Variants in HIVEP1 observed in about 807,000 individuals in gnomAD.
HIVEP1 encodes the protein zinc finger protein 40.
HIVEP1 carries 36 observed loss-of-function variants against 180.0 expected under a neutral mutation model. That is an observed-to-expected ratio of 0.20 (90% CI 0.15 to 0.26). HIVEP1 has a LOEUF of 0.26. Among genes scored for constraint, HIVEP1 ranks in the 10% least tolerant of loss-of-function variants. The pLI, the probability that HIVEP1 is intolerant of heterozygous loss-of-function variation, is 1.00. For synonymous variants in HIVEP1, 1,239 were observed against 1,239.0 expected, an observed-to-expected ratio of 1.00 and a Z score of 0.00; for missense variants, 3,143 against 3,268.7, an observed-to-expected ratio of 0.96 and a Z score of 0.94.
At chr6:12,101,186 G>T (rs1774090779) in intron 3 of HIVEP1, among the ~76,000 whole-genome samples, 1 of 152,166 alleles carries the variant, frequency 6.6e-6, no homozygotes, top group Admixed American at 6.5e-5. Flanking sequence ...GAGGACCTGT[G>T]TTGAGTTACA....
At chr6:12,145,000 T>C (rs929420770) in intron 7 of HIVEP1, among the ~76,000 whole-genome samples, 10 of 151,966 alleles carry the variant, frequency 6.6e-5, no homozygotes, top group African/African-American at 2.2e-4. Context: ...TACCATTTGA[T>C]CCAGCCATCC....
chr6:12,173,679 C>T, the HIVEP1 span, among the ~76,000 whole-genome samples: 8 of 152,114 alleles, frequency 5.3e-5, no homozygotes, highest in Admixed American at 3.9e-4. Context: ...AGATATTTCA[C>T]GAAGACCAAT....
downstream of HIVEP1, among the ~76,000 whole-genome samples, chr6:12,168,114 TTATA>T (rs1390031433): frequency 9.4e-5 from 3 of 31,748 alleles, 1 homozygote; most frequent in African/African-American, 2.9e-4. Context: ...TATATGTATA[TTATA>T]TATACATATA....
chr6:12,208,201 T>C, the HIVEP1 span, among the ~76,000 whole-genome samples: 1 of 152,192 alleles, frequency 6.6e-6, no homozygotes, highest in Non-Finnish European at 1.5e-5. Flanking sequence ...TTTCATTAAC[T>C]TAGCTACATG....
chr6:12,129,947 C>T, intron 5 of HIVEP1, 55 bp downstream of exon 5: 2 of 1,228,666 alleles, frequency 1.6e-6, no homozygotes, highest in South Asian at 1.3e-5. Context: ...TTTAAATGTA[C>T]ATTTGCTTTC....
intron 2 of HIVEP1, among the ~76,000 whole-genome samples, chr6:12,035,385 C>T (rs1240604388): frequency 1.3e-5 from 2 of 152,126 alleles, no homozygotes; most frequent in Non-Finnish European, 2.9e-5. Context: ...TGCAAGCATG[C>T]TTTTTCTTCT....
chr6:12,178,228 A>C, the HIVEP1 span, among the ~76,000 whole-genome samples: 1 of 152,228 alleles, frequency 6.6e-6, no homozygotes, highest in African/African-American at 2.4e-5. Flanking sequence ...CTCCTCCAAA[A>C]CTTATTTCAA....
the HIVEP1 span, among the ~76,000 whole-genome samples, chr6:12,191,442 A>G: frequency 6.6e-6 from 1 of 152,090 alleles, no homozygotes; most frequent in East Asian, 1.9e-4. Flanking sequence ...CTTTTTAAAG[A>G]AATTAGCCAG....
At chr6:12,066,865 A>AGT (rs1771622640) in intron 2 of HIVEP1, among the ~76,000 whole-genome samples, 1 of 83,786 alleles carries the variant, frequency 1.2e-5, no homozygotes, top group African/African-American at 4.1e-5. Context: ...AAACAAAGAC[A>AGT]CTGTGTGTGT....
At chr6:12,014,605 G>C (rs1478016261) in intron 1 of HIVEP1, among the ~76,000 whole-genome samples, 1 of 152,174 alleles carries the variant, frequency 6.6e-6, no homozygotes, top group Non-Finnish European at 1.5e-5. Context: ...AGTGGGCTTT[G>C]CTTCTCAGTT....
At chr6:12,151,095 AT>A (rs1275006648) in intron 7 of HIVEP1, among the ~76,000 whole-genome samples, 9 of 152,176 alleles carry the variant, frequency 5.9e-5, no homozygotes, top group Non-Finnish European at 1.0e-4. Context: ...AACTTTTAAA[AT>A]TTATCTTTAG....
At chr6:12,179,469 C>T in the HIVEP1 span, among the ~76,000 whole-genome samples, 3 of 152,176 alleles carry the variant, frequency 2.0e-5, no homozygotes, top group African/African-American at 4.8e-5. Context: ...AATAAAGAGA[C>T]GGATAGCTCA....
In HIVEP1 at chr6:12,123,540, G is replaced by A. The variant is rs1241963100; in HGVS notation, c.3745G>A (p.Ala1249Thr). The stretch of plus-strand genomic sequence containing the variant: ...AGAAGAACCAGATCGAGACCTGGAA[G>A]CTCAATGCCATGATCAAGAAAAGTC... The part of the protein sequence containing the change: ...VTEEPDRDLE[A>T]QCHDQEKSEK... The change falls in exon 4 of 9, where the codon GCT becomes ACT. Residue 1249 changes from alanine to threonine, a missense_variant. Physicochemically the swap from Ala to Thr is moderately conservative, Grantham distance 58 (BLOSUM62 0). Transcript: ENST00000379388. 1 of 1,614,020 alleles carries A rather than the reference G, an allele frequency of 6.2e-7. No homozygotes were observed. The highest frequency in any genetic ancestry group is 1.7e-5 in the Admixed American group (1 of 60,008).
rs1295159783 is a variant in HIVEP1, at chr6:12,120,098, T to A, written c.303T>A (p.Pro101=). The A allele has an allele frequency of 1.2e-6, 2 of 1,613,182 alleles. No homozygotes were observed. The highest frequency in any genetic ancestry group is 3.3e-5 in the Admixed American group (2 of 59,800). Residue 101 remains proline (P), a synonymous_variant, in exon 4 of 9, where the codon CCT becomes CCA. Transcript: ENST00000379388. ...CTCACAAGAAACAGAATTATATTCC[T>A]GTAAAAAATGGGAAGCAGTTTACCA... ...SESHKKQNYI[P]VKNGKQFTKQ...
intron 3 of HIVEP1, among the ~76,000 whole-genome samples, chr6:12,096,152 T>G (rs755064033): frequency 1.4e-4 from 21 of 152,070 alleles, no homozygotes; most frequent in Non-Finnish European, 3.1e-4. Flanking sequence ...CATTATATAC[T>G]TCAGCCCCAG....
Position 12,161,425 on chromosome 6 carries a change from G to A in HIVEP1, c.6488-14G>A. On this transcript the variant is annotated splice_polypyrimidine_tract_variant and intron_variant, in intron 7 of 8. Transcript: ENST00000379388. ...AAAGCATTCCATCACATACCTCTTG[G>A]TTGTTTTTATTAGATGAAAAACAGA... The A allele has an allele frequency of 6.2e-7, 1 of 1,602,990 alleles. No homozygotes were observed. The highest frequency in any genetic ancestry group is 8.5e-7 in the Non-Finnish European group (1 of 1,173,218).
intron 3 of HIVEP1, among the ~76,000 whole-genome samples, chr6:12,117,079 G>T (rs1037891864): frequency 1.3e-5 from 2 of 152,110 alleles, no homozygotes; most frequent in Non-Finnish European, 1.5e-5. Flanking sequence ...TTAGAAAATT[G>T]TAGAGAAAAC....
At chr6:12,202,252 C>T in the HIVEP1 span, among the ~76,000 whole-genome samples, 2 of 151,974 alleles carry the variant, frequency 1.3e-5, no homozygotes, top group African/African-American at 2.4e-5. Context: ...CCTCCCGGGG[C>T]TCAGGTGATC....
At chr6:12,143,304 A>G (rs1348029989) in intron 7 of HIVEP1, among the ~76,000 whole-genome samples, 2 of 152,250 alleles carry the variant, frequency 1.3e-5, no homozygotes, top group Non-Finnish European at 2.9e-5. Flanking sequence ...ATCTCAATAG[A>G]TGCAGAAAAG....
Sources: gnomAD v4.1 joint callset for allele counts (sites outside exome capture counted in the v4.1 genomes callset) on GRCh38, gnomAD v4.1.1 for gene constraint, MANE v1.5 for transcripts, NCBI Gene and HGNC (gene_info 2026-07-23, HGNC 2026-07-21) for gene names.